The following PCLO variants were observed in gnomAD, a reference collection of about 807,000 sequenced individuals.
PCLO encodes protein piccolo.
Under a neutral mutation model 427.5 loss-of-function variants are expected in PCLO, and 82 were observed. The observed-to-expected ratio is 0.19, with a 90% CI of 0.16 to 0.23. PCLO has a LOEUF of 0.23. Among genes scored for constraint, PCLO ranks in the 10% least tolerant of loss-of-function variants. The pLI, the probability that PCLO is intolerant of heterozygous loss-of-function variation, is 1.00. For synonymous variants in PCLO, 2,357 were observed against 2,155.4 expected (o/e 1.09, Z -2.59); for missense variants, 6,239 against 6,115.9 (o/e 1.02, Z -0.67).
In PCLO at chr7:83,155,146, G is replaced by A. The variant is rs1451568798; in HGVS notation, c.1495C>T (p.Pro499Ser). ...PPPQQPGSAKPPSQQPGSTKP... is the reference protein window; with the variant it reads ...PPPQQPGSAKSPSQQPGSTKP... ...GTTGAGCCAGGCTGTTGAGATGGGG[G>A]CTTTGCTGAGCCAGGCTGTTGAGGT... Residue 499 changes from proline to serine, a missense_variant, in exon 2 of 25, where the codon CCC becomes TCC. Pro to Ser is a moderately conservative substitution (Grantham distance 74). This residue lies in a region of PCLO where 4,677 missense variants were observed against 4,468.4 expected (regional missense o/e 1.05). Transcript: ENST00000333891. 2 of 1,516,180 alleles carry A rather than the reference G, an allele frequency of 1.3e-6. No individual in the cohort carries two copies. Among genetic ancestry groups the A allele is most frequent in the Admixed American group, 1.9e-5 (1 of 53,532 alleles). The allele number at this position is 1,516,180 out of a possible 1,614,324, so 93.9% of individuals were successfully genotyped here. A position where few individuals can be genotyped will look rare whatever the true frequency, so the allele number is the denominator to read the frequency against.
intron 22 of PCLO, among the ~76,000 whole-genome samples, chr7:82,777,137 C>T (rs763166931): frequency 7.9e-5 from 12 of 151,872 alleles, no homozygotes; most frequent in Non-Finnish European, 5.9e-5. Context: ...TGATTTCTGC[C>T]TTAATCCCAA....
chr7:82,856,626 G>T (rs1792813802), intron 10 of PCLO, among the ~76,000 whole-genome samples: 1 of 152,084 alleles, frequency 6.6e-6, no homozygotes, highest in Admixed American at 6.6e-5. Flanking sequence ...TCCAATAATA[G>T]ATATGTAATG....
At chr7:83,060,601 T>C (rs1789519525) in intron 3 of PCLO, among the ~76,000 whole-genome samples, 1 of 152,124 alleles carries the variant, frequency 6.6e-6, no homozygotes, top group Non-Finnish European at 1.5e-5. Context: ...AATTTAACTT[T>C]CTTAGCACTA....
At chr7:83,122,405 C>T (rs1233769148) in intron 3 of PCLO, among the ~76,000 whole-genome samples, 2 of 151,896 alleles carry the variant, frequency 1.3e-5, no homozygotes, top group East Asian at 3.9e-4. Flanking sequence ...CCAGCCTCAG[C>T]CTCCCAAGTA....
intron 3 of PCLO, among the ~76,000 whole-genome samples, chr7:83,097,799 C>T (rs928666277): frequency 1.3e-5 from 2 of 151,412 alleles, no homozygotes; most frequent in African/African-American, 4.8e-5. Flanking sequence ...CACAAAAGTC[C>T]GTGAGCATGA....
intron 10 of PCLO, among the ~76,000 whole-genome samples, chr7:82,854,936 C>A (rs773353574): frequency 6.6e-6 from 1 of 152,198 alleles, no homozygotes; most frequent in African/African-American, 2.4e-5. Flanking sequence ...CTTTTCATCA[C>A]ATTTTGAATA....
chr7:83,057,528 A>AT (rs1455042439), intron 3 of PCLO, among the ~76,000 whole-genome samples: 1 of 148,280 alleles, frequency 6.7e-6, no homozygotes, highest in African/African-American at 2.5e-5. Flanking sequence ...TGCCCGGCTA[A>AT]TTTTTTGTAT....
chr7:83,003,745 T>C (rs1787880049), intron 3 of PCLO, among the ~76,000 whole-genome samples: 1 of 151,854 alleles, frequency 6.6e-6, no homozygotes, highest in Admixed American at 6.6e-5. Flanking sequence ...TTTGGGATGC[T>C]AACATTTTGT....
chr7:82,825,583 C>A (rs767962138), intron 18 of PCLO, among the ~76,000 whole-genome samples: 1 of 149,568 alleles, frequency 6.7e-6, no homozygotes, highest in Non-Finnish European at 1.5e-5. Context: ...ATAACTTCTG[C>A]CCTAAGCAGA....
At chr7:83,017,670 T>A (rs1321529729) in intron 3 of PCLO, among the ~76,000 whole-genome samples, 4 of 151,968 alleles carry the variant, frequency 2.6e-5, no homozygotes, top group African/African-American at 9.7e-5. Context: ...CATGTTACTC[T>A]TTTGCATCCT....
chr7:82,909,122 T>C (rs1003019135), intron 7 of PCLO, 109 bp from the exon 8 acceptor site: 5 of 1,030,256 alleles, frequency 4.9e-6, no homozygotes, highest in Non-Finnish European at 4.2e-6. Flanking sequence ...TAACCATACA[T>C]GCATTTCAAA....
chr7:83,032,876 T>C (rs1363084021), intron 3 of PCLO, among the ~76,000 whole-genome samples: 1 of 152,152 alleles, frequency 6.6e-6, no homozygotes, highest in African/African-American at 2.4e-5. Context: ...GGTTTGGCTG[T>C]GTGTTCCCAC....
rs1395342574 is a variant in PCLO, at chr7:82,966,029, T to C, written c.3759A>G (p.Lys1253=). The stretch of plus-strand genomic sequence containing the variant: ...GTTTCTGTTCTTCTGGGGCTGATGT[T>C]TTTGCCTCTGGGAGTAGCTTTTTGT... ...PEDKKLLPEA[K]TSAPEEQKHD... The change falls in exon 4 of 25, where the codon AAA becomes AAG. Residue 1253 remains lysine, a synonymous_variant. Transcript: ENST00000333891. 22 of 1,613,360 alleles carry C rather than the reference T, an allele frequency of 1.4e-5. No individual in the cohort carries two copies. Among genetic ancestry groups the C allele is most frequent in the Non-Finnish European group, 1.9e-5 (22 of 1,179,822 alleles).
chr7:82,819,488 G>GTAAA (rs3064870), intron 20 of PCLO, among the ~76,000 whole-genome samples: 1 of 151,882 alleles, frequency 6.6e-6, no homozygotes, highest in Non-Finnish European at 1.5e-5. Flanking sequence ...AATATTTAAA[G>GTAAA]AACGTGAATA....
At position 82,916,785 on chromosome 7, in the gene PCLO, G is replaced by A; in HGVS notation, c.11201C>T (p.Thr3734Ile). Residue 3734 changes from threonine to isoleucine, a missense_variant, in exon 7 of 25, where the codon ACA (threonine) becomes ATA (isoleucine). Thr to Ile is a moderately conservative substitution (Grantham distance 89). Coordinates refer to ENST00000333891, the MANE Select transcript of PCLO (RefSeq NM_033026.6). ...LPNPPPEEIS[T>I]GTQSTFSTMG... ...TGTGCTGAATGTGGATTGAGTTCCT[G>A]TGGAAATCTCCTCAGGAGGTGGATT... is the stretch of plus-strand genomic sequence containing the variant. 6.2e-7 allele frequency: 1 copy of A among 1,613,600 alleles called. No homozygotes were observed. Among genetic ancestry groups the A allele is most frequent in the Non-Finnish European group, 8.5e-7 (1 of 1,179,646 alleles).
chr7:82,773,381 T>C (rs751392860), intron 22 of PCLO, among the ~76,000 whole-genome samples: 6 of 152,224 alleles, frequency 3.9e-5, no homozygotes, highest in Admixed American at 3.9e-4. Context: ...AACCTCTGAG[T>C]GAACCTGTGA....
intron 4 of PCLO, among the ~76,000 whole-genome samples, chr7:82,963,211 T>A (rs959387008): frequency 2.6e-5 from 4 of 152,080 alleles, no homozygotes; most frequent in Non-Finnish European, 5.9e-5. Context: ...TACAAAATAA[T>A]GTCACTTTGA....
chr7:82,806,015 TTAC>T (rs1791450776), intron 20 of PCLO, among the ~76,000 whole-genome samples, 186 bp from the exon 21 acceptor site: 1 of 152,218 alleles, frequency 6.6e-6, no homozygotes, highest in Non-Finnish European at 1.5e-5. Flanking sequence ...ATAAATTATT[TTAC>T]TGTTTTTATT....
At position 82,954,254 on chromosome 7, in the gene PCLO, T is replaced by C. The variant is rs1273805407; in HGVS notation, c.6699A>G (p.Pro2233=). 2.5e-6 allele frequency: 4 copies of C among 1,613,742 alleles called. No individual in the cohort carries two copies. The highest frequency in any genetic ancestry group is 3.4e-6 in the Non-Finnish European group (4 of 1,179,760). The change falls in exon 5 of 25, where the codon CCA becomes CCG. Residue 2233 remains proline (P), a synonymous_variant. Transcript: ENST00000333891. ...SEEISSSTYF[P]GSIIDYPEEI... is the part of the protein sequence containing the mutation. Reference sequence around the variant, plus strand: ...CTTCTGGATAGTCTATAATGCTGCCTGGAAAATAAGTTGATGAAGAAATTT... The same window carrying C: ...CTTCTGGATAGTCTATAATGCTGCCCGGAAAATAAGTTGATGAAGAAATTT...
Sources: allele counts gnomAD v4.1 joint callset (sites outside exome capture counted in the v4.1 genomes callset), GRCh38; gene constraint gnomAD v4.1.1; regional missense constraint gnomAD v4.1.1; transcripts MANE v1.5; gene names NCBI Gene and HGNC (gene_info 2026-07-23, HGNC 2026-07-21).